The following MCF2 variants were observed in gnomAD, a reference collection of about 807,000 sequenced individuals.
MCF2 encodes the protein MCF.2 cell line derived transforming sequence.
Under a neutral mutation model 82.5 loss-of-function variants are expected in MCF2, and 44 were observed. That is an observed-to-expected ratio of 0.53 (90% confidence interval 0.42 to 0.69). The LOEUF (loss-of-function observed/expected upper bound fraction) is 0.69, where lower values mean the gene tolerates loss of function less well. MCF2 is among the 30% of genes least tolerant of loss of function. The pLI is 0.00. For synonymous variants in MCF2, 217 were observed against 224.9 expected, an observed-to-expected ratio of 0.96 and a Z score of 0.32; for missense variants, 623 against 663.1, an observed-to-expected ratio of 0.94 and a Z score of 0.66.
chrX:139,675,514 C>T lies in MCF2; in HGVS notation c.-44-23726G>A, dbSNP rs139637050. Among the ~76,000 whole-genome samples the T allele has an allele frequency of 8.1e-3, 906 of 112,312 alleles. 7 individuals are homozygous for T. The highest frequency in any genetic ancestry group is 0.028 in the African/African-American group (856 of 30,908). On this transcript the variant is annotated intron_variant, in intron 1 of 27. Coordinates refer to the MCF2 transcript ENST00000414978. Reference sequence around the variant, plus strand: ...TGGATGTCCTTTTTGTTGATGTTGACGCTATTCCTTTCTGTTTGTTAGTTT... The same window carrying T: ...TGGATGTCCTTTTTGTTGATGTTGATGCTATTCCTTTCTGTTTGTTAGTTT...
intron 1 of MCF2, chrX:139,691,834 C>T (rs1438438602): frequency 1.3e-5 from 11 of 824,185 alleles, no homozygotes; most frequent in Non-Finnish European, 1.9e-5. Context: ...GAAAAGCCGG[C>T]CGGGCTGGGG....
At chrX:139,585,352 C>T (rs1928856877) in intron 23 of MCF2, among the ~76,000 whole-genome samples, 174 bp from the exon 28 acceptor site, 1 of 111,521 alleles carries the variant, frequency 9.0e-6, no homozygotes, top group Non-Finnish European at 1.9e-5. Flanking sequence ...ACTATTCATG[C>T]AACCTGGGAA....
At chrX:139,614,380 A>G (rs763638948) in intron 10 of MCF2, among the ~76,000 whole-genome samples, 4 of 111,908 alleles carry the variant, frequency 3.6e-5, no homozygotes, top group Non-Finnish European at 5.7e-5. Context: ...CTAGAAGCTT[A>G]TAAGAACCAA....
At chrX:139,604,043 G>A (rs899816487) in intron 15 of MCF2, among the ~76,000 whole-genome samples, 11 of 111,043 alleles carry the variant, frequency 9.9e-5, no homozygotes, top group African/African-American at 3.6e-4. Flanking sequence ...AACTGCATAA[G>A]CAGAGAAGCA....
chrX:139,607,620 G>T, intron 12 of MCF2, 71 bp downstream of exon 16: 3 of 717,890 alleles, frequency 4.2e-6, no homozygotes, highest in Non-Finnish European at 6.2e-6. Flanking sequence ...TAATCACATT[G>T]GCCTTGAACA....
chrX:139,649,561 G>A (rs908817599), intron 2 of MCF2, among the ~76,000 whole-genome samples: 1 of 111,674 alleles, frequency 9.0e-6, no homozygotes, highest in Non-Finnish European at 1.9e-5. Flanking sequence ...AGGTGGCAAG[G>A]CTCCTATAAG....
chrX:139,706,730 C>G (rs925034678), intron 1 of MCF2, among the ~76,000 whole-genome samples: 1 of 109,553 alleles, frequency 9.1e-6, no homozygotes, highest in Non-Finnish European at 1.9e-5. Flanking sequence ...AAAAATGAAA[C>G]AAAATGACAT....
At chrX:139,675,110 C>T (rs1418297056) in intron 1 of MCF2, among the ~76,000 whole-genome samples, 7 of 112,456 alleles carry the variant, frequency 6.2e-5, no homozygotes, top group African/African-American at 2.3e-4. Context: ...ATGATCGAAT[C>T]AGCTATTAAA....
chrX:139,600,924 T>G (rs1020750840), intron 16 of MCF2, among the ~76,000 whole-genome samples: 1 of 111,739 alleles, frequency 8.9e-6, no homozygotes, highest in African/African-American at 3.2e-5. Flanking sequence ...AAGCCATTTT[T>G]AAAAGAAAAA....
At chrX:139,644,956 T>TA (rs1378822217), upstream of MCF2, among the ~76,000 whole-genome samples, 1 of 111,226 alleles carries the variant, frequency 9.0e-6, no homozygotes, top group African/African-American at 3.3e-5. Flanking sequence ...CTTGTGAGCC[T>TA]AAAAGTGTAA....
intron 19 of MCF2, among the ~76,000 whole-genome samples, chrX:139,594,731 C>G (rs1240837233): frequency 2.8e-5 from 3 of 108,512 alleles, no homozygotes; most frequent in Non-Finnish European, 5.8e-5. Context: ...CAAATGGGAT[C>G]TAATTAAACT....
chrX:139,597,374 T>C, intron 18 of MCF2, 86 bp downstream of exon 22: 1 of 695,044 alleles, frequency 1.4e-6, no homozygotes, highest in Non-Finnish European at 2.2e-6. Flanking sequence ...TTCTTATACG[T>C]TATTTCTCAA....
chrX:139,586,609 C>G (rs1928990407), intron 22 of MCF2, 122 bp from the exon 27 acceptor site: 1 of 451,877 alleles, frequency 2.2e-6, no homozygotes, highest in Admixed American at 3.4e-5. Flanking sequence ...TCCATCCAAA[C>G]AGCCAATACT....
At chrX:139,615,948 G>C (rs1931859702) in intron 9 of MCF2, among the ~76,000 whole-genome samples, 1 of 111,858 alleles carries the variant, frequency 8.9e-6, no homozygotes, top group African/African-American at 3.2e-5. Flanking sequence ...CTGGGGTAAA[G>C]TGCTCTTGAC....
At chrX:139,601,790 T>C (rs1172689841) in intron 16 of MCF2, among the ~76,000 whole-genome samples, 1 of 111,424 alleles carries the variant, frequency 9.0e-6, no homozygotes, top group African/African-American at 3.3e-5. Flanking sequence ...CCAGGAGATA[T>C]TTCTTTAAGA....
intron 1 of MCF2, among the ~76,000 whole-genome samples, chrX:139,635,157 G>A (rs931076516): frequency 4.5e-5 from 5 of 111,024 alleles, no homozygotes; most frequent in African/African-American, 1.3e-4. Flanking sequence ...ATTTTCAAAC[G>A]AATACTGAGT....
exon 7 of MCF2, chrX:139,619,642 A>G: frequency 8.5e-7 from 1 of 1,172,147 alleles, no homozygotes; most frequent in Non-Finnish European, 1.2e-6. Flanking sequence ...TACTTGAGCT[A>G]TAGTCCCTGT....
chrX:139,703,226 G>A (rs1405771078), intron 1 of MCF2, among the ~76,000 whole-genome samples: 1 of 112,020 alleles, frequency 8.9e-6, no homozygotes, highest in Non-Finnish European at 1.9e-5. Flanking sequence ...GTCATTAGAT[G>A]ATAGTGATCA....
chrX:139,607,902 C>A, intron 11 of MCF2, 123 bp from the exon 16 acceptor site: 1 of 454,059 alleles, frequency 2.2e-6, no homozygotes, highest in Non-Finnish European at 3.7e-6. Context: ...AAAAATAAAA[C>A]TATGATTTTT....
Sources: gnomAD v4.1 joint callset for allele counts (sites outside exome capture counted in the v4.1 genomes callset) on GRCh38, gnomAD v4.1.1 for gene constraint, MANE v1.5 for transcripts, NCBI Gene and HGNC (gene_info 2026-07-23, HGNC 2026-07-21) for gene names.